The following CDC42BPA variants were observed in gnomAD, a reference collection of about 807,000 sequenced individuals.
The protein encoded by CDC42BPA is CDC42 binding protein kinase alpha, also known as serine/threonine-protein kinase MRCK alpha.
A neutral mutation model predicts 223.5 loss-of-function variants in CDC42BPA; 80 were observed. That is an observed-to-expected ratio of 0.36 (90% CI 0.30 to 0.43). The LOEUF is 0.43. CDC42BPA is among the 20% of genes least tolerant of loss of function. CDC42BPA has a pLI of 1.00. For synonymous variants in CDC42BPA, 694 were observed against 718.6 expected (o/e 0.97, Z 0.55); for missense variants, 1,743 against 2,099.9 (o/e 0.83, Z 3.32).
At chr1:227,084,714 G>A (rs1681464068) in intron 16 of CDC42BPA, among the ~76,000 whole-genome samples, 1 of 152,002 alleles carries the variant, frequency 6.6e-6, no homozygotes, top group Non-Finnish European at 1.5e-5. Context: ...ATGAAGGTGA[G>A]TTGCTCCTAG....
At chr1:227,292,774 G>A (rs1013487495) in intron 1 of CDC42BPA, among the ~76,000 whole-genome samples, 1 of 152,040 alleles carries the variant, frequency 6.6e-6, no homozygotes, top group Non-Finnish European at 1.5e-5. Context: ...GCTAGCACAA[G>A]GTAGACATTC....
intron 34 of CDC42BPA, among the ~76,000 whole-genome samples, chr1:227,005,819 T>C (rs1001978939): frequency 2.6e-5 from 4 of 152,244 alleles, no homozygotes; most frequent in Admixed American, 6.5e-5. Context: ...CATTTAATTA[T>C]TGAATGATTT....
At chr1:227,100,966 T>C in intron 15 of CDC42BPA, 26 bp downstream of exon 15, 1 of 1,331,410 alleles carries the variant, frequency 7.5e-7, no homozygotes, top group Non-Finnish European at 1.1e-6. Flanking sequence ...AAGTATTTAC[T>C]GTATAGTAAA....
intron 12 of CDC42BPA, among the ~76,000 whole-genome samples, chr1:227,115,615 T>C (rs375457194): frequency 6.6e-5 from 10 of 151,974 alleles, no homozygotes; most frequent in East Asian, 5.8e-4. Flanking sequence ...AGAACACACA[T>C]TGAATGTTTT....
At chr1:227,011,029 G>C in intron 34 of CDC42BPA, 1 of 1,357,242 alleles carries the variant, frequency 7.4e-7, no homozygotes, top group South Asian at 1.2e-5. Flanking sequence ...GATCAGACCG[G>C]AGTGATGATG....
chr1:227,297,967 T>TATATATACACAC (rs369403944), intron 1 of CDC42BPA, among the ~76,000 whole-genome samples: 8 of 132,076 alleles, frequency 6.1e-5, no homozygotes, highest in African/African-American at 2.0e-4. Context: ...TATATACATA[T>TATATATACACAC]ACACACACAC....
chr1:227,116,886 G>A (rs1687857423), intron 12 of CDC42BPA, among the ~76,000 whole-genome samples: 1 of 152,128 alleles, frequency 6.6e-6, no homozygotes, highest in Non-Finnish European at 1.5e-5. Flanking sequence ...TCCTTTGATG[G>A]AGCAGGAGAC....
chr1:227,002,059 A>G (rs1041653356), intron 35 of CDC42BPA, among the ~76,000 whole-genome samples: 7 of 152,252 alleles, frequency 4.6e-5, no homozygotes, highest in African/African-American at 1.4e-4. Flanking sequence ...AAACAGTCAT[A>G]ACTTTTGCTG....
chr1:227,195,190 G>A (rs953120224), intron 4 of CDC42BPA, among the ~76,000 whole-genome samples: 3 of 152,018 alleles, frequency 2.0e-5, no homozygotes, highest in Middle Eastern at 3.2e-3. Flanking sequence ...TAGGCCCAAC[G>A]TTTTTGTTTG....
chr1:227,269,860 C>G (rs544049664), intron 1 of CDC42BPA, among the ~76,000 whole-genome samples: 14 of 152,156 alleles, frequency 9.2e-5, no homozygotes, highest in African/African-American at 2.9e-4. Flanking sequence ...ACTCTCATAT[C>G]CCAATGTTAG....
chr1:227,163,124 C>G (rs36133891), intron 5 of CDC42BPA, among the ~76,000 whole-genome samples: 3 of 97,638 alleles, frequency 3.1e-5, no homozygotes. Context: ...GTGTATGTTT[C>G]CAAACATATG....
chr1:227,138,335 A>G (rs1453907783), intron 10 of CDC42BPA, among the ~76,000 whole-genome samples: 1 of 152,062 alleles, frequency 6.6e-6, no homozygotes, highest in African/African-American at 2.4e-5. Flanking sequence ...GGATATATAT[A>G]TGATTAAATT....
intron 16 of CDC42BPA, among the ~76,000 whole-genome samples, chr1:227,082,978 A>C (rs1681030533): frequency 6.6e-6 from 1 of 151,886 alleles, no homozygotes; most frequent in African/African-American, 2.4e-5. Flanking sequence ...TTAGAATTTT[A>C]TGTTGGTTGG....
At chr1:227,179,502 G>C (rs548447028) in intron 5 of CDC42BPA, among the ~76,000 whole-genome samples, 2 of 151,760 alleles carry the variant, frequency 1.3e-5, no homozygotes, top group East Asian at 1.9e-4. Flanking sequence ...CGGGCGTGGT[G>C]GTGGGCACCT....
intron 2 of CDC42BPA, among the ~76,000 whole-genome samples, chr1:227,216,549 T>C (rs996688669): frequency 4.6e-5 from 7 of 152,232 alleles, no homozygotes; most frequent in Admixed American, 2.6e-4. Context: ...GAGAAAAGAA[T>C]ATGAGGCTTA....
intron 2 of CDC42BPA, among the ~76,000 whole-genome samples, chr1:227,223,887 A>T (rs1676379111): frequency 6.6e-6 from 1 of 152,220 alleles, no homozygotes; most frequent in South Asian, 2.1e-4. Context: ...CCGACACTCT[A>T]CACTGTACAG....
At chr1:227,060,850 T>C (rs564227215) in intron 21 of CDC42BPA, among the ~76,000 whole-genome samples, 4 of 149,630 alleles carry the variant, frequency 2.7e-5, no homozygotes, top group Non-Finnish European at 5.9e-5. Context: ...GACTCCCGAG[T>C]AGCTGTGATT....
chr1:227,101,024 T>C lies in CDC42BPA; in HGVS notation c.2217A>G (p.Leu739=). Residue 739 remains leucine, a synonymous_variant, in exon 15 of 37, where the codon TTA becomes TTG. Coordinates refer to ENST00000366766, the MANE Select transcript of CDC42BPA (RefSeq NM_001394014.1). ...TTCTGGTTTTTTCCAATTTGTCTTT[T>C]AAAATCATAATTTCTTTGTTGAGAG... The part of the protein sequence containing the change: ...QLALNKEIMI[L]KDKLEKTRRE... 6.5e-7 allele frequency: 1 copy of C among 1,538,916 alleles called. No individual in the cohort carries two copies. The highest frequency in any genetic ancestry group is 1.4e-5 in the African/African-American group (1 of 72,840).
intron 28 of CDC42BPA, 45 bp downstream of exon 28, chr1:227,031,253 T>G (rs758504529): frequency 5.5e-6 from 8 of 1,448,892 alleles, no homozygotes. Flanking sequence ...TCAAGGTAGA[T>G]TAGTAAACAA....
Sources: gnomAD v4.1 joint callset for allele counts (sites outside exome capture counted in the v4.1 genomes callset) on GRCh38, gnomAD v4.1.1 for gene constraint, MANE v1.5 for transcripts, NCBI Gene and HGNC (gene_info 2026-07-23, HGNC 2026-07-21) for gene names.